The following RBFOX1 variants were observed in gnomAD, a reference collection of about 807,000 sequenced individuals.
The protein encoded by RBFOX1 is RNA binding protein fox-1 homolog 1.
Under a neutral mutation model 57.7 loss-of-function variants are expected in RBFOX1, and 8 were observed. The observed-to-expected ratio is 0.14, with a 90% confidence interval of 0.08 to 0.25. RBFOX1 has a LOEUF of 0.25. Ranked by LOEUF, RBFOX1 falls within the 10% of genes least tolerant of loss-of-function variation. The pLI is 1.00. For synonymous variants in RBFOX1, 326 were observed against 222.4 expected, an observed-to-expected ratio of 1.47 and a Z score of -4.15; for missense variants, 611 against 548.5, an observed-to-expected ratio of 1.11 and a Z score of -1.14.
At chr16:6,624,581 T>A (rs1455395169) in intron 2 of RBFOX1, among the ~76,000 whole-genome samples, 1 of 152,170 alleles carries the variant, frequency 6.6e-6, no homozygotes, top group Non-Finnish European at 1.5e-5. Flanking sequence ...TTCACATGAT[T>A]TTTGTAAGAC....
chr16:7,022,184 C>G (rs928048479), intron 3 of RBFOX1, among the ~76,000 whole-genome samples: 9 of 150,154 alleles, frequency 6.0e-5, no homozygotes, highest in African/African-American at 2.2e-4. Context: ...CCACCTCAGC[C>G]TCCTGAGTAG....
In RBFOX1 at chr16:6,654,660, T is replaced by G. The variant is rs763296392; in HGVS notation, c.-16+10T>G. The stretch of plus-strand genomic sequence containing the variant: ...AATAGAAGACAGAAAGGTGAGTCAA[T>G]ATTTTTCATTTTTAGGGTTGCAAAC... On this transcript the variant is annotated intron_variant, in intron 3 of 15. Transcript: ENST00000550418. The G allele has an allele frequency of 1.0e-4, 155 of 1,505,184 alleles. No homozygotes were observed. Among genetic ancestry groups the G allele is most frequent in the Non-Finnish European group, 1.2e-4 (141 of 1,135,690 alleles). The allele number at this position is 1,505,184 out of a possible 1,614,324, so 93.2% of individuals were successfully genotyped here.
At position 7,092,132 on chromosome 16, in the gene RBFOX1, C is replaced by G. The variant is rs141097824; in HGVS notation, c.27+40034C>G. 1.8e-3 allele frequency among the ~76,000 whole-genome samples: 276 copies of G among 152,316 alleles called. 6 individuals are homozygous for G. The East Asian group carries it at 0.049, about 27-fold the overall frequency. ...AGACATCTTAAAGATGTTTTTATAA[C>G]ATGCACACACACCCTTCTTTTCTCA... On this transcript the variant is annotated intron_variant, in intron 4 of 15. Transcript: ENST00000550418.
rs918496745 is a variant in RBFOX1, at chr16:7,612,137, C to G, written c.676+4799C>G. On this transcript the variant is annotated intron_variant, in intron 10 of 15. Coordinates refer to ENST00000550418, the MANE Select transcript of RBFOX1 (RefSeq NM_018723.4). ...GGGATTGAGACCATCCTGGCTAACA[C>G]GATGAAACCCCGTCTCTACTAAAAA... Among the ~76,000 whole-genome samples, 88 of 151,646 alleles carry G rather than the reference C, an allele frequency of 5.8e-4. 1 individual carries two copies. The highest frequency in any genetic ancestry group is 1.0e-3 in the Non-Finnish European group (68 of 67,934).
intron 3 of RBFOX1, among the ~76,000 whole-genome samples, chr16:5,860,865 T>C (rs1274700953): frequency 2.6e-5 from 4 of 152,192 alleles, no homozygotes; most frequent in Non-Finnish European, 4.4e-5. Flanking sequence ...CGCAGCATCT[T>C]TGATGGTCGT....
rs114979905 is a variant in RBFOX1, at chr16:5,820,704, G to A, written c.319-46599G>A. ...CAGCGTTACCCTGAATTGTTGGGAC[G>A]CGACTCCAGCAGCGTCCTGAGTGAC... On this transcript the variant is annotated intron_variant, in intron 3 of 19. Coordinates refer to the RBFOX1 transcript ENST00000641259. Among the ~76,000 whole-genome samples, 1,305 of 152,218 alleles carry A rather than the reference G, an allele frequency of 8.6e-3. 20 individuals carry two copies. Among genetic ancestry groups the A allele is most frequent in the African/African-American group, 0.029 (1,196 of 41,534 alleles).
chr16:6,530,484 C>T (rs920371662), intron 2 of RBFOX1, among the ~76,000 whole-genome samples: 13 of 152,166 alleles, frequency 8.5e-5, no homozygotes, highest in African/African-American at 3.1e-4. Flanking sequence ...TTCTTTCTTT[C>T]TCACGATGCA....
intron 4 of RBFOX1, among the ~76,000 whole-genome samples, chr16:5,944,144 T>C (rs2059342508): frequency 6.6e-6 from 1 of 152,232 alleles, no homozygotes; most frequent in African/African-American, 2.4e-5. Flanking sequence ...GTTCATATCC[T>C]AATGTACAAG....
At position 7,385,083 on chromosome 16, in the gene RBFOX1, C is replaced by T. The variant is rs186835696; in HGVS notation, c.28-133064C>T. 4.6e-5 allele frequency among the ~76,000 whole-genome samples: 7 copies of T among 152,300 alleles called. No individual in the cohort carries two copies. The East Asian group carries it at 1.2e-3, about 25-fold the overall frequency. On this transcript the variant is annotated intron_variant, in intron 4 of 15. Coordinates refer to ENST00000550418, the MANE Select transcript of RBFOX1 (RefSeq NM_018723.4). ...TGGAATTTTTGAAAGATGAACAGAT[C>T]CCTGGAAAATAGAGAGAGGGGCACC...
At chr16:7,291,124 A>G (rs959663353) in intron 4 of RBFOX1, among the ~76,000 whole-genome samples, 12 of 152,184 alleles carry the variant, frequency 7.9e-5, no homozygotes, top group African/African-American at 2.7e-4. Context: ...CCCTAGGTTC[A>G]AGGTGACCAG....
chr16:7,366,715 C>G (rs1341904980), intron 4 of RBFOX1, among the ~76,000 whole-genome samples: 2 of 151,676 alleles, frequency 1.3e-5, no homozygotes, highest in East Asian at 3.9e-4. Context: ...TAAAATGGTG[C>G]CAGAGACCCA....
intron 4 of RBFOX1, among the ~76,000 whole-genome samples, chr16:5,972,603 T>C (rs2059985298): frequency 6.6e-6 from 1 of 152,200 alleles, no homozygotes; most frequent in African/African-American, 2.4e-5. Flanking sequence ...CCTGGAATAA[T>C]TGGTTGCGGG....
chr16:5,564,783 C>G (rs1020998955), intron 2 of RBFOX1, among the ~76,000 whole-genome samples: 2 of 152,098 alleles, frequency 1.3e-5, no homozygotes, highest in African/African-American at 4.8e-5. Context: ...GGCAGTGGGT[C>G]CTAGAAGAAC....
chr16:7,443,875 G>T (rs964570971), intron 4 of RBFOX1, among the ~76,000 whole-genome samples: 3 of 152,104 alleles, frequency 2.0e-5, no homozygotes, highest in African/African-American at 7.2e-5. Flanking sequence ...GAAAATTTTG[G>T]GCGTCTGAAC....
rs574350556 is a variant in RBFOX1 at position 6,146,309 on chromosome 16, T to G, written c.-127+126317T>G. 3.4e-4 allele frequency among the ~76,000 whole-genome samples: 51 copies of G among 152,238 alleles called. 1 individual carries two copies. The highest frequency in any genetic ancestry group is 3.4e-3 in the Middle Eastern group (1 of 294). On this transcript the variant is annotated intron_variant, in intron 1 of 15. Transcript: ENST00000550418. ...TACACTGAAGAAAATATTATTTGAG[T>G]CTTTCCATTTTTAGCTGTTCAATGG...
chr16:6,599,667 C>A (rs981356264), intron 2 of RBFOX1, among the ~76,000 whole-genome samples: 1 of 152,154 alleles, frequency 6.6e-6, no homozygotes. Context: ...AGCCATATGG[C>A]AGAGTGCTTC....
intron 3 of RBFOX1, among the ~76,000 whole-genome samples, chr16:6,879,329 C>G (rs12448016): frequency 0.24 from 35,978 of 152,130 alleles, 4,402 homozygotes; most frequent in East Asian, 0.28. Context: ...CTATAATTAA[C>G]TTCAGACACT....
chr16:7,079,018 G>A (rs376108685), intron 4 of RBFOX1, among the ~76,000 whole-genome samples: 2 of 151,684 alleles, frequency 1.3e-5, no homozygotes, highest in East Asian at 1.9e-4. Flanking sequence ...CTGGGAGTTA[G>A]GGTTTCAAAA....
intron 4 of RBFOX1, among the ~76,000 whole-genome samples, chr16:7,130,837 A>G (rs2151965742): frequency 6.6e-6 from 1 of 152,280 alleles, no homozygotes; most frequent in South Asian, 2.1e-4. Context: ...TTCTCATCTC[A>G]TTCATAATCT....
Sources: allele counts gnomAD v4.1 joint callset (sites outside exome capture counted in the v4.1 genomes callset), GRCh38; gene constraint gnomAD v4.1.1; transcripts MANE v1.5; gene names NCBI Gene and HGNC (gene_info 2026-07-23, HGNC 2026-07-21).